The following UBXN2B variants were observed in gnomAD, a reference collection of about 807,000 sequenced individuals.
UBXN2B encodes the protein UBX domain protein 2B, also known as UBX domain-containing protein 2B.
Under a neutral mutation model 37.5 loss-of-function variants are expected in UBXN2B, and 19 were observed. The ratio of observed to expected loss-of-function variants is 0.51; its 90% CI spans 0.35 to 0.74. UBXN2B has a LOEUF of 0.74. UBXN2B is among the 30% of genes least tolerant of loss of function. The pLI is 0.01. For missense variants in UBXN2B, 370 were observed against 393.2 expected (o/e 0.94, Z 0.50); for synonymous variants, 145 against 143.8 (o/e 1.01, Z -0.06).
At chr8:58,424,170 A>G (rs1808010447) in intron 2 of UBXN2B, among the ~76,000 whole-genome samples, 1 of 150,586 alleles carries the variant, frequency 6.6e-6, no homozygotes, top group African/African-American at 2.4e-5. Context: ...TTCCCAAATC[A>G]TTTCTTCTTA....
At chr8:58,437,885 C>A (rs938254909) in intron 5 of UBXN2B, among the ~76,000 whole-genome samples, 2 of 152,100 alleles carry the variant, frequency 1.3e-5, no homozygotes, top group African/African-American at 2.4e-5. Context: ...GAGAGCCTAG[C>A]CTAGTGCTAC....
At chr8:58,422,579 AATG>A (rs748379377) in intron 2 of UBXN2B, among the ~76,000 whole-genome samples, 5 of 152,250 alleles carry the variant, frequency 3.3e-5, no homozygotes, top group Admixed American at 6.5e-5. Flanking sequence ...CTAAAACAAA[AATG>A]ATCTCGTTCA....
At chr8:58,428,268 G>T (rs560535415) in intron 2 of UBXN2B, among the ~76,000 whole-genome samples, 379 of 152,266 alleles carry the variant, frequency 2.5e-3, no homozygotes, top group Non-Finnish European at 4.4e-3. Context: ...GATTGAAACC[G>T]CTCAACTCTT....
chr8:58,435,126 C>T lies in UBXN2B; in HGVS notation c.533+622C>T. On this transcript the variant is annotated intron_variant, in intron 5 of 7. Transcript: ENST00000399598. ...AAACTAGCTGAAAGTGGAGTTATTT[C>T]TAAGTAGATATGCAACTAAAGACAT... The T allele has an allele frequency of 4.3e-6, 6 of 1,399,568 alleles. No individual in the cohort carries two copies. In the South Asian group the frequency reaches 9.2e-5, roughly 21 times the overall value. 86.7% of individuals were successfully genotyped at this position (1,399,568 alleles called of 1,614,324 possible).
intron 2 of UBXN2B, among the ~76,000 whole-genome samples, chr8:58,429,055 AAAT>A (rs1409689605): frequency 6.6e-6 from 1 of 152,230 alleles, no homozygotes; most frequent in Non-Finnish European, 1.5e-5. Flanking sequence ...CAAAGATTTC[AAAT>A]AATAAAAACC....
chr8:58,430,720 CT>C, intron 3 of UBXN2B, 51 bp downstream of exon 3: 1 of 1,297,672 alleles, frequency 7.7e-7, no homozygotes, highest in African/African-American at 1.5e-5. Context: ...TTTACCTCCT[CT>C]TTCATTTTTC....
chr8:58,446,720 C>A (rs1808679860), intron 7 of UBXN2B, among the ~76,000 whole-genome samples: 1 of 140,010 alleles, frequency 7.1e-6, no homozygotes, highest in South Asian at 2.3e-4. Flanking sequence ...ATCATAGTTA[C>A]CTTTTTCTGG....
chr8:58,442,636 C>A (rs553045930), intron 6 of UBXN2B, among the ~76,000 whole-genome samples: 1 of 152,204 alleles, frequency 6.6e-6, no homozygotes, highest in South Asian at 2.1e-4. Context: ...TAGAAGAAAG[C>A]AAACCATAGA....
intron 6 of UBXN2B, among the ~76,000 whole-genome samples, chr8:58,441,269 C>A (rs886528003): frequency 1.3e-5 from 2 of 150,592 alleles, no homozygotes; most frequent in Non-Finnish European, 2.9e-5. Flanking sequence ...GCCTGGGTTA[C>A]AGGCATGAGC....
intron 2 of UBXN2B, among the ~76,000 whole-genome samples, chr8:58,422,917 A>G (rs1240171355): frequency 6.6e-6 from 1 of 152,164 alleles, no homozygotes; most frequent in African/African-American, 2.4e-5. Context: ...TGCTTTTGCT[A>G]ATATCCTTGG....
chr8:58,439,885 G>T, intron 6 of UBXN2B, 115 bp downstream of exon 6: 1 of 861,206 alleles, frequency 1.2e-6, no homozygotes, highest in Non-Finnish European at 1.7e-6. Flanking sequence ...ATGCACATTA[G>T]ATATATACAT....
At chr8:58,446,535 A>T (rs979923530) in intron 7 of UBXN2B, among the ~76,000 whole-genome samples, 7 of 152,012 alleles carry the variant, frequency 4.6e-5, no homozygotes. Context: ...GATAGTTTTA[A>T]ATGTTTCTTT....
chr8:58,430,589 G>A lies in UBXN2B; in HGVS notation c.259G>A (p.Glu87Lys). 6.2e-7 allele frequency: 1 copy of A among 1,606,098 alleles called. No individual in the cohort carries two copies. Among genetic ancestry groups the A allele is most frequent in the Admixed American group, 1.7e-5 (1 of 59,160 alleles). The change falls in exon 3 of 8, where the codon GAA becomes AAA. Residue 87 changes from glutamate (E) to lysine (K), a missense_variant. Coordinates refer to ENST00000399598, the MANE Select transcript of UBXN2B (RefSeq NM_001077619.2). ...ACCTTCAACTGGGAAAATTGTGAAT[G>A]AACTTTTCAAAGAGGCAAGGGAACA... Reference protein sequence around the residue: ...VRPSTGKIVNELFKEAREHGA... With the variant: ...VRPSTGKIVNKLFKEAREHGA...
At chr8:58,414,532 A>G (rs1395475120) in intron 1 of UBXN2B, among the ~76,000 whole-genome samples, 1 of 152,122 alleles carries the variant, frequency 6.6e-6, no homozygotes, top group East Asian at 1.9e-4. Context: ...TTATTGAAAC[A>G]TTTTCTTAAT....
intron 2 of UBXN2B, among the ~76,000 whole-genome samples, chr8:58,418,266 A>AAAG (rs1402752132): frequency 6.9e-6 from 1 of 144,494 alleles, no homozygotes; most frequent in African/African-American, 2.5e-5. Context: ...AAAAAAAAAA[A>AAAG]TTAATAGTAA....
intron 2 of UBXN2B, chr8:58,426,080 A>G (rs756446494): frequency 1.4e-5 from 20 of 1,388,894 alleles, no homozygotes; most frequent in African/African-American, 2.9e-5. Flanking sequence ...TTTAAGCTCA[A>G]TAACATCTCC....
chr8:58,411,397 C>A lies in UBXN2B; in HGVS notation c.12C>A (p.Gly4=). Residue 4 remains glycine (G), a synonymous_variant, in exon 1 of 8, where the codon GGC becomes GGA. Coordinates refer to ENST00000399598, the MANE Select transcript of UBXN2B (RefSeq NM_001077619.2). MAE[G]GGPEPGEQER... is the part of the protein sequence containing the mutation. ...CTAGCCAGCGGAAGATGGCGGAGGG[C>A]GGAGGCCCTGAGCCCGGCGAGCAGG... 7.9e-7 allele frequency: 1 copy of A among 1,268,958 alleles called. No homozygotes were observed. The highest frequency in any genetic ancestry group is 2.9e-5 in the South Asian group (1 of 34,620). 78.6% of individuals were successfully genotyped at this position (1,268,958 alleles called of 1,614,324 possible).
In UBXN2B at chr8:58,433,201, T is replaced by G; in HGVS notation, c.381T>G (p.Cys127Trp). Reference sequence around the variant, plus strand: ...GATACAGATTGGGTAGTTCTTTTTGTAAGCGGTCTGAATATATCTATGGAG... The same window carrying G: ...GATACAGATTGGGTAGTTCTTTTTGGAAGCGGTCTGAATATATCTATGGAG... ...GGGYRLGSSF[C>W]KRSEYIYGEN... is the part of the protein sequence containing the mutation. The change falls in exon 4 of 8, where the codon TGT becomes TGG. Residue 127 changes from cysteine (C) to tryptophan (W), a missense_variant. Physicochemically the swap from Cys to Trp is radical, Grantham distance 215. Around this residue, in one of 3 missense-constraint regions of UBXN2B, gnomAD observed 197 missense variants for 170.2 expected, o/e 1.16. Transcript: ENST00000399598. The G allele has an allele frequency of 6.2e-7, 1 of 1,613,332 alleles. No individual in the cohort carries two copies. Among genetic ancestry groups the G allele is most frequent in the Non-Finnish European group, 8.5e-7 (1 of 1,179,580 alleles).
intron 1 of UBXN2B, among the ~76,000 whole-genome samples, chr8:58,415,091 A>T (rs1807740601): frequency 1.3e-5 from 2 of 152,126 alleles, no homozygotes; most frequent in Non-Finnish European, 2.9e-5. Context: ...AGAAACTTAA[A>T]ATCTAGTTGG....
Sources: allele counts gnomAD v4.1 joint callset (sites outside exome capture counted in the v4.1 genomes callset), GRCh38; gene constraint gnomAD v4.1.1; regional missense constraint gnomAD v4.1.1; transcripts MANE v1.5; gene names NCBI Gene and HGNC (gene_info 2026-07-23, HGNC 2026-07-21).